USP54: variants seen among roughly 807,000 people sequenced by gnomAD.
USP54 encodes the protein ubiquitin carboxyl-terminal hydrolase 54.
A neutral mutation model predicts 170.5 loss-of-function variants in USP54; 87 were observed. That is an observed-to-expected ratio of 0.51 (90% confidence interval 0.43 to 0.61). The LOEUF is 0.61. Ranked by LOEUF, USP54 falls within the 20% of genes least tolerant of loss-of-function variation. The pLI is 0.00. For synonymous variants in USP54, 655 were observed against 742.8 expected, an observed-to-expected ratio of 0.88 and a Z score of 1.92; for missense variants, 1,786 against 2,047.8, an observed-to-expected ratio of 0.87 and a Z score of 2.47.
Position 73,500,963 on chromosome 10 carries a change from T to TG in USP54, c.4312-126dup, listed in dbSNP as rs560841815. On this transcript the variant is annotated intron_variant, in intron 22 of 23. Coordinates refer to ENST00000687698, the MANE Select transcript of USP54 (RefSeq NM_001391956.1). ...GAACCAGAGCACAAACATGCCTACA[T>TG]GCCTTGTTCTGGAACAGGACCCAAT... is the stretch of plus-strand genomic sequence containing the variant. 3.4e-4 allele frequency: 356 copies of TG among 1,034,816 alleles called. 2 individuals carry two copies. The African/African-American group carries it at 5.5e-3, about 16-fold the overall frequency. The allele number at this position is 1,034,816 out of a possible 1,614,324, so 64.1% of individuals were successfully genotyped here.
At chr10:73,531,462 A>C (rs2063955640) in intron 12 of USP54, among the ~76,000 whole-genome samples, 1 of 152,146 alleles carries the variant, frequency 6.6e-6, no homozygotes, top group South Asian at 2.1e-4. Context: ...ATTATATAAA[A>C]ATGTCAGGTA....
chr10:73,523,441 C>T (rs907183036), intron 17 of USP54, 142 bp downstream of exon 17: 7 of 1,024,166 alleles, frequency 6.8e-6, no homozygotes, highest in Non-Finnish European at 9.8e-6. Context: ...CCTACTCTAA[C>T]TTGTTCTCAC....
chr10:73,618,133 C>T (rs1370159250), intron 1 of USP54, among the ~76,000 whole-genome samples: 1 of 150,012 alleles, frequency 6.7e-6, no homozygotes. Flanking sequence ...ATTGCTTGAA[C>T]CCGGGAGGCG....
intron 4 of USP54, among the ~76,000 whole-genome samples, chr10:73,567,090 G>T (rs2074017998): frequency 6.6e-6 from 1 of 151,732 alleles, no homozygotes; most frequent in South Asian, 2.1e-4. Context: ...TCTTGGCCAG[G>T]CTGGTCTTGA....
chr10:73,520,057 A>G, intron 18 of USP54, 65 bp from the exon 19 acceptor site: 1 of 1,528,472 alleles, frequency 6.5e-7, no homozygotes, highest in Non-Finnish European at 8.8e-7. Context: ...AAAAAGAATA[A>G]AATTGAAAAA....
intron 17 of USP54, among the ~76,000 whole-genome samples, chr10:73,522,984 C>T (rs1053428111): frequency 1.5e-4 from 23 of 152,120 alleles, no homozygotes; most frequent in African/African-American, 5.1e-4. Flanking sequence ...AAGGTAGATA[C>T]TTCAGCTTGG....
At chr10:73,625,137 C>G (rs2081416782) in intron 1 of USP54, among the ~76,000 whole-genome samples, 1 of 152,130 alleles carries the variant, frequency 6.6e-6, no homozygotes, top group East Asian at 1.9e-4. Context: ...AAGCTTAGCA[C>G]ACACCCCCTT....
intron 1 of USP54, among the ~76,000 whole-genome samples, chr10:73,579,692 G>A (rs1035595080): frequency 1.3e-5 from 2 of 151,974 alleles, no homozygotes; most frequent in Non-Finnish European, 2.9e-5. Flanking sequence ...GGGAGGTGGA[G>A]GTTGCAGTAA....
At chr10:73,500,946 G>T in intron 22 of USP54, 108 bp from the exon 23 acceptor site, 1 of 1,173,704 alleles carries the variant, frequency 8.5e-7, no homozygotes, top group Non-Finnish European at 1.2e-6. Context: ...GGGAACCAGA[G>T]CACAAACATG....
chr10:73,566,165 G>A (rs773753206), intron 4 of USP54, among the ~76,000 whole-genome samples: 1 of 152,104 alleles, frequency 6.6e-6, no homozygotes, highest in Non-Finnish European at 1.5e-5. Flanking sequence ...GGGAGGCGGA[G>A]GTTGCAGTGA....
chr10:73,498,707 C>G lies in USP54; in HGVS notation c.4977G>C (p.Glu1659Asp), dbSNP rs756316994. The change falls in exon 24 of 24, where the codon GAG (glutamate) becomes GAC (aspartate). Residue 1659 changes from glutamate (E) to aspartate (D), a missense_variant. Physicochemically the swap from Glu to Asp is conservative, Grantham distance 45. Transcript: ENST00000687698. The stretch of plus-strand genomic sequence containing the variant: ...CATCTGATAGAACAAACAGAAACCC[C>G]TCTCCCACTGTTCTCCTGTGTCCAG... ...SHSGHRRTVG[E>D]GFLFVLSDAP... 2 of 1,611,108 alleles carry G rather than the reference C, an allele frequency of 1.2e-6. No individual in the cohort carries two copies. Among genetic ancestry groups the G allele is most frequent in the Non-Finnish European group, 1.7e-6 (2 of 1,178,204 alleles).
rs375867504 is a variant in USP54 at position 73,504,883 on chromosome 10, C to G, written c.4278G>C (p.Glu1426Asp). ...GGGAAGAAACCGGAGCTTCCTCCCT[C>G]TCTGAGACAACGGTGCCACTGAGAC... is the stretch of plus-strand genomic sequence containing the variant. ...SRSLSGTVVS[E>D]REEAPVSSHS... Residue 1426 changes from glutamate (E) to aspartate (D), a missense_variant, in exon 22 of 24, where the codon GAG becomes GAC. By Grantham distance (45) the Glu-to-Asp change is conservative. This residue lies in a region of USP54 where 1,418 missense variants were observed against 1,569.0 expected (regional missense o/e 0.90). Coordinates refer to ENST00000687698, the MANE Select transcript of USP54 (RefSeq NM_001391956.1). 1.2e-6 allele frequency: 2 copies of G among 1,614,176 alleles called. No individual in the cohort carries two copies. Among genetic ancestry groups the G allele is most frequent in the South Asian group, 2.2e-5 (2 of 91,084 alleles).
At chr10:73,615,886 G>A (rs1248394525) in intron 1 of USP54, among the ~76,000 whole-genome samples, 1 of 131,554 alleles carries the variant, frequency 7.6e-6, no homozygotes, top group South Asian at 2.4e-4. Context: ...TCCAGCCTGG[G>A]CAACGAAGAG....
Position 73,571,457 on chromosome 10 carries a change from C to T in USP54, c.204G>A (p.Lys68=), listed in dbSNP as rs1564874642. The change falls in exon 4 of 24, where the codon AAG becomes AAA. Residue 68 remains lysine (K), a synonymous_variant. Coordinates refer to ENST00000687698, the MANE Select transcript of USP54 (RefSeq NM_001391956.1). ...RRSFRQLTTH[K]CMGDSCIFCA... is the part of the protein sequence containing the mutation. ...AAAAGATGCAGGAATCTCCCATGCACTTGTGAGTTGTAAGCTGCCTAAAGC... is the reference window on the plus strand; with the variant it reads ...AAAAGATGCAGGAATCTCCCATGCATTTGTGAGTTGTAAGCTGCCTAAAGC... The T allele has an allele frequency of 6.2e-7, 1 of 1,614,012 alleles. No individual in the cohort carries two copies. Among genetic ancestry groups the T allele is most frequent in the East Asian group, 2.2e-5 (1 of 44,862 alleles).
At chr10:73,500,876 G>A in intron 22 of USP54, 38 bp from the exon 23 acceptor site, 1 of 1,572,678 alleles carries the variant, frequency 6.4e-7, no homozygotes, top group African/African-American at 1.4e-5. Context: ...TAGAGATGAG[G>A]ATTAACACAA....
chr10:73,568,080 A>AT (rs201096153), intron 4 of USP54, among the ~76,000 whole-genome samples: 149 of 151,216 alleles, frequency 9.9e-4, no homozygotes, highest in Non-Finnish European at 1.4e-3. Flanking sequence ...TGTCCCACTA[A>AT]TTTTTTTTTC....
intron 1 of USP54, among the ~76,000 whole-genome samples, chr10:73,585,850 G>A (rs540185312): frequency 9.9e-5 from 15 of 152,046 alleles, no homozygotes; most frequent in South Asian, 2.1e-4. Context: ...GTGAAACCCC[G>A]TCTCTACTAA....
chr10:73,591,054 G>T (rs1001620121), intron 1 of USP54, among the ~76,000 whole-genome samples: 1 of 151,400 alleles, frequency 6.6e-6, no homozygotes, highest in African/African-American at 2.4e-5. Flanking sequence ...AATTGTAACA[G>T]AGAGGAGGGG....
rs574813811 is a variant in USP54 at position 73,604,224 on chromosome 10, G to A, written c.-18+21343C>T. 4.6e-5 allele frequency among the ~76,000 whole-genome samples: 7 copies of A among 152,038 alleles called. No individual in the cohort carries two copies. The East Asian group carries it at 1.4e-3, about 29-fold the overall frequency. Reference sequence around the variant, plus strand: ...AGATCGCACCACTGACTCCAGCCTGGGCGACAGAGCGAGAGTCCATCTCAA... The same window carrying A: ...AGATCGCACCACTGACTCCAGCCTGAGCGACAGAGCGAGAGTCCATCTCAA... On this transcript the variant is annotated intron_variant, in intron 1 of 22. Transcript: ENST00000339859.
Sources: allele counts gnomAD v4.1 joint callset (sites outside exome capture counted in the v4.1 genomes callset), GRCh38; gene constraint gnomAD v4.1.1; regional missense constraint gnomAD v4.1.1; transcripts MANE v1.5; gene names NCBI Gene and HGNC (gene_info 2026-07-23, HGNC 2026-07-21).